ATXN1: variants seen among roughly 807,000 people sequenced by gnomAD.
ATXN1 encodes ataxin-1.
A neutral mutation model predicts 56.4 loss-of-function variants in ATXN1; 8 were observed. The ratio of observed to expected loss-of-function variants is 0.14; its 90% CI spans 0.08 to 0.26. The LOEUF is 0.26. ATXN1 is among the 10% of genes least tolerant of loss of function. The probability of loss-of-function intolerance (pLI) is 1.00; values close to 1 mark genes in which losing one functional copy is unlikely to be tolerated. For missense variants in ATXN1, 987 were observed against 1,106.5 expected (o/e 0.89, Z 1.53); for synonymous variants, 514 against 494.6 (o/e 1.04, Z -0.52).
At chr6:16,586,718 T>A (rs2113766233) in intron 3 of ATXN1, among the ~76,000 whole-genome samples, 1 of 152,280 alleles carries the variant, frequency 6.6e-6, no homozygotes, top group Admixed American at 6.5e-5. Context: ...ACTTCTGTAG[T>A]TAGTATTAAA....
At chr6:16,375,248 T>C (rs1762120857) in intron 6 of ATXN1, among the ~76,000 whole-genome samples, 2 of 152,222 alleles carry the variant, frequency 1.3e-5, no homozygotes, top group African/African-American at 4.8e-5. Flanking sequence ...AAAGGATATA[T>C]TATTGCCCAA....
At chr6:16,689,197 T>C (rs1408964027) in intron 2 of ATXN1, among the ~76,000 whole-genome samples, 1 of 152,182 alleles carries the variant, frequency 6.6e-6, no homozygotes, top group Non-Finnish European at 1.5e-5. Flanking sequence ...CTGCAATACT[T>C]GAGTCTGCAT....
At chr6:16,343,735 C>A (rs962891145) in intron 6 of ATXN1, among the ~76,000 whole-genome samples, 3 of 152,122 alleles carry the variant, frequency 2.0e-5, no homozygotes, top group African/African-American at 7.2e-5. Flanking sequence ...CTTGACGATG[C>A]GCGGCCACCT....
chr6:16,394,802 A>T (rs914243576), intron 6 of ATXN1, among the ~76,000 whole-genome samples: 1 of 152,208 alleles, frequency 6.6e-6, no homozygotes, highest in African/African-American at 2.4e-5. Flanking sequence ...AGTCCACAGA[A>T]ATAAAAATCC....
intron 6 of ATXN1, among the ~76,000 whole-genome samples, chr6:16,388,897 T>C (rs1346107982): frequency 2.6e-5 from 4 of 152,224 alleles, no homozygotes; most frequent in Admixed American, 1.3e-4. Context: ...GTAAGAAATA[T>C]ATAATTATCA....
intron 5 of ATXN1, among the ~76,000 whole-genome samples, chr6:16,512,075 G>A (rs533244759): frequency 6.6e-6 from 1 of 152,298 alleles, no homozygotes; most frequent in African/African-American, 2.4e-5. Flanking sequence ...AGGCAGCCAG[G>A]TGTTAGTTGG....
At chr6:16,314,985 C>T (rs553646799) in intron 7 of ATXN1, among the ~76,000 whole-genome samples, 13 of 152,258 alleles carry the variant, frequency 8.5e-5, no homozygotes, top group South Asian at 4.1e-4. Flanking sequence ...CAAGTATACA[C>T]CGAGCACCTG....
At chr6:16,570,735 TC>T (rs1313701900) in intron 4 of ATXN1, among the ~76,000 whole-genome samples, 1 of 152,168 alleles carries the variant, frequency 6.6e-6, no homozygotes, top group Non-Finnish European at 1.5e-5. Context: ...CGCCTAACTC[TC>T]TATATATTCC....
In ATXN1 at chr6:16,753,285, C is replaced by A. The variant is rs532462885; in HGVS notation, c.-667G>T. The A allele has an allele frequency of 2.8e-5, 13 of 456,764 alleles. No individual in the cohort carries two copies. In the East Asian group the frequency reaches 7.6e-4, roughly 27 times the overall value. The allele number at this position is 456,764 out of a possible 1,614,324, so 28.3% of individuals were successfully genotyped here. A position where few individuals can be genotyped will look rare whatever the true frequency, so the allele number is the denominator to read the frequency against. ...GGCAGTGGAGGAGGAGATTGCTGTA[C>A]AAGGATGACAAACAAATCTGCAGCT... On this transcript the variant is annotated 5_prime_UTR_variant, in exon 2 of 8. Transcript: ENST00000436367.
At chr6:16,729,136 C>T (rs1170940925) in intron 2 of ATXN1, among the ~76,000 whole-genome samples, 1 of 152,220 alleles carries the variant, frequency 6.6e-6, no homozygotes, top group African/African-American at 2.4e-5. Context: ...TCCTCCTTTA[C>T]TGTACAAAGT....
chr6:16,518,321 G>A (rs1761224329), intron 5 of ATXN1, among the ~76,000 whole-genome samples: 1 of 152,212 alleles, frequency 6.6e-6, no homozygotes. Flanking sequence ...ACCCGGCTGG[G>A]GCTAAAGCCA....
At chr6:16,549,752 C>T (rs1392022076) in intron 4 of ATXN1, among the ~76,000 whole-genome samples, 1 of 151,996 alleles carries the variant, frequency 6.6e-6, no homozygotes, top group Non-Finnish European at 1.5e-5. Context: ...GCAAAATTAG[C>T]AGGGCATGGA....
chr6:16,451,671 C>T (rs1278703506), intron 6 of ATXN1, among the ~76,000 whole-genome samples: 1 of 152,012 alleles, frequency 6.6e-6, no homozygotes, highest in Non-Finnish European at 1.5e-5. Flanking sequence ...AGGAGAACCA[C>T]TTGAACCCAG....
chr6:16,647,543 C>A (rs767525092), intron 3 of ATXN1, among the ~76,000 whole-genome samples: 2 of 152,090 alleles, frequency 1.3e-5, no homozygotes, highest in Admixed American at 6.5e-5. Flanking sequence ...GATTTTAAAT[C>A]TTTGAGATCT....
chr6:16,316,910 G>A (rs1167886622), intron 7 of ATXN1, among the ~76,000 whole-genome samples: 1 of 120,392 alleles, frequency 8.3e-6, no homozygotes, highest in Non-Finnish European at 1.6e-5. Context: ...CAGAACTAAA[G>A]TGGGCTGTGA....
intron 2 of ATXN1, among the ~76,000 whole-genome samples, chr6:16,715,264 T>C (rs1759615118): frequency 6.6e-6 from 1 of 152,224 alleles, no homozygotes; most frequent in Non-Finnish European, 1.5e-5. Flanking sequence ...TTATCATATC[T>C]TTATAACAAT....
intron 2 of ATXN1, among the ~76,000 whole-genome samples, chr6:16,751,630 T>G (rs1394003493): frequency 6.7e-6 from 1 of 149,630 alleles, no homozygotes; most frequent in South Asian, 2.1e-4. Context: ...AGTCAGAGAG[T>G]TGTGATAAAT....
chr6:16,751,153 G>C (rs1430777268), intron 2 of ATXN1, among the ~76,000 whole-genome samples: 1 of 151,890 alleles, frequency 6.6e-6, no homozygotes, highest in Non-Finnish European at 1.5e-5. Flanking sequence ...ATTTTTAGTA[G>C]AGACAGGATT....
chr6:16,405,523 G>A (rs371594), intron 6 of ATXN1, among the ~76,000 whole-genome samples: 119,052 of 152,072 alleles, frequency 0.78, 47,007 homozygotes, highest in East Asian at 1. Flanking sequence ...TGGGAGCAAA[G>A]AGAAAACACA....
Sources: allele counts gnomAD v4.1 joint callset (sites outside exome capture counted in the v4.1 genomes callset), GRCh38; gene constraint gnomAD v4.1.1; transcripts MANE v1.5; gene names NCBI Gene and HGNC (gene_info 2026-07-23, HGNC 2026-07-21).